Variants in ENDOU observed in about 807,000 individuals in gnomAD.
The protein encoded by ENDOU is endonuclease, poly(U) specific, also known as uridylate-specific endoribonuclease.
Under a neutral mutation model 54.2 loss-of-function variants are expected in ENDOU, and 49 were observed. The ratio of observed to expected loss-of-function variants is 0.90; its 90% confidence interval spans 0.72 to 1.15. The LOEUF is 1.15. Ranked by LOEUF, ENDOU falls within the 50% of genes most tolerant of loss-of-function variation. The probability of loss-of-function intolerance (pLI) is 0.00; values close to 1 mark genes in which losing one functional copy is unlikely to be tolerated. For missense variants in ENDOU, 458 were observed against 511.4 expected (o/e 0.90, Z 1.01); for synonymous variants, 172 against 190.5 (o/e 0.90, Z 0.80).
At chr12:47,721,997 G>A (rs1940448792) in intron 1 of ENDOU, among the ~76,000 whole-genome samples, 1 of 152,162 alleles carries the variant, frequency 6.6e-6, no homozygotes, top group Non-Finnish European at 1.5e-5. Flanking sequence ...TTAGGATTTG[G>A]GCTTGAGTTA....
At chr12:47,716,729 G>A (rs1225216424) in intron 5 of ENDOU, among the ~76,000 whole-genome samples, 161 bp downstream of exon 5, 1 of 152,178 alleles carries the variant, frequency 6.6e-6, no homozygotes, top group Non-Finnish European at 1.5e-5. Flanking sequence ...CTCCCAACTG[G>A]ATATCCACAG....
chr12:47,721,060 A>G (rs1940419153), intron 1 of ENDOU, among the ~76,000 whole-genome samples, 185 bp from the exon 2 acceptor site: 1 of 152,068 alleles, frequency 6.6e-6, no homozygotes, highest in Non-Finnish European at 1.5e-5. Context: ...CCACCACCCA[A>G]CACCCACCAA....
chr12:47,711,849 C>T, intron 8 of ENDOU, 74 bp from the exon 9 acceptor site: 1 of 1,524,530 alleles, frequency 6.6e-7, no homozygotes, highest in Non-Finnish European at 9.0e-7. Flanking sequence ...CCAATGGCAA[C>T]AGTCAGACAG....
At chr12:47,723,873 C>G (rs1288633401) in intron 1 of ENDOU, among the ~76,000 whole-genome samples, 1 of 152,194 alleles carries the variant, frequency 6.6e-6, no homozygotes, top group African/African-American at 2.4e-5. Context: ...CCACAGACAT[C>G]CAGCTCATAA....
At chr12:47,723,135 A>C (rs568816794) in intron 1 of ENDOU, among the ~76,000 whole-genome samples, 1 of 152,324 alleles carries the variant, frequency 6.6e-6, no homozygotes, top group South Asian at 2.1e-4. Context: ...GTTGCAAGCG[A>C]GCAGTCAGCT....
In ENDOU at chr12:47,712,566, C is replaced by A; in HGVS notation, c.922G>T (p.Glu308Ter). Reference sequence around the variant, plus strand: ...TAGTCAACCAGACCCTCCTTCTCCTCCAGGTAGAAGCGGATCCAGTTATGG... The same window carrying A: ...TAGTCAACCAGACCCTCCTTCTCCTACAGGTAGAAGCGGATCCAGTTATGG... ...GFHNWIRFYL[E>*]EKEGLVDYYS... The change falls in exon 8 of 10, where the codon GAG becomes TAG. Residue 308 changes from glutamate to a stop codon, truncating the protein, a stop_gained. Coordinates refer to ENST00000422538, the MANE Select transcript of ENDOU (RefSeq NM_001172439.2). LOFTEE classifies it high-confidence loss of function. 6.2e-7 allele frequency: 1 copy of A among 1,614,170 alleles called. No individual in the cohort carries two copies. Among genetic ancestry groups the A allele is most frequent in the Non-Finnish European group, 8.5e-7 (1 of 1,180,006 alleles).
intron 8 of ENDOU, among the ~76,000 whole-genome samples, chr12:47,712,153 A>T (rs961392436): frequency 1.3e-5 from 2 of 152,236 alleles, no homozygotes; most frequent in African/African-American, 2.4e-5. Flanking sequence ...TATAAAGTGT[A>T]TGAAGTTTAG....
chr12:47,716,741 C>A, intron 5 of ENDOU, 149 bp downstream of exon 5: 1 of 783,350 alleles, frequency 1.3e-6, no homozygotes, highest in Admixed American at 2.7e-5. Context: ...TATCCACAGT[C>A]CCTCAAGATG....
intron 4 of ENDOU, among the ~76,000 whole-genome samples, chr12:47,717,270 C>T (rs1940281556): frequency 6.6e-6 from 1 of 152,166 alleles, no homozygotes; most frequent in Non-Finnish European, 1.5e-5. Flanking sequence ...TGTCCCCCGC[C>T]CCTTCCCCCT....
chr12:47,713,123 C>T (rs535549359), intron 7 of ENDOU, 152 bp downstream of exon 7: 2 of 619,630 alleles, frequency 3.2e-6, no homozygotes, highest in South Asian at 3.9e-5. Context: ...CCCCCCCGCC[C>T]CCCTGCCATA....
chr12:47,712,181 G>A (rs1940046282), intron 8 of ENDOU, among the ~76,000 whole-genome samples: 1 of 152,242 alleles, frequency 6.6e-6, no homozygotes, highest in African/African-American at 2.4e-5. Flanking sequence ...TAGCCAGGCT[G>A]AAACTTTCAG....
chr12:47,717,757 G>A, intron 3 of ENDOU, 102 bp from the exon 4 acceptor site: 1 of 1,230,334 alleles, frequency 8.1e-7, no homozygotes, highest in South Asian at 1.4e-5. Context: ...ACTCTGCCCA[G>A]TAAAGATCTC....
Position 47,710,904 on chromosome 12 carries a change from C to A in ENDOU, c.1131G>T (p.Leu377=). 6.2e-7 allele frequency: 1 copy of A among 1,612,318 alleles called. No homozygotes were observed. The highest frequency in any genetic ancestry group is 8.5e-7 in the Non-Finnish European group (1 of 1,178,526). ...ARPGKVCQLS[L]GGYPLAVRTY... is the part of the protein sequence containing the mutation. ...TCCGGACAGCTAAGGGATATCCTCC[C>A]AGGCTTAACTGGCACCTGTGGGGAA... The change falls in exon 10 of 10, where the codon CTG becomes CTT. Residue 377 remains leucine (L), a synonymous_variant. Coordinates refer to ENST00000422538, the MANE Select transcript of ENDOU (RefSeq NM_001172439.2).
chr12:47,711,916 T>TTAA (rs1406701825), intron 8 of ENDOU, 141 bp from the exon 9 acceptor site: 8 of 954,462 alleles, frequency 8.4e-6, no homozygotes, highest in Non-Finnish European at 1.5e-6. Flanking sequence ...ACTGGATTCT[T>TTAA]TAAATAGAAG....
At chr12:47,720,379 T>C (rs1463673833) in intron 2 of ENDOU, 1 of 166,260 alleles carries the variant, frequency 6.0e-6, no homozygotes, top group Non-Finnish European at 1.3e-5. Flanking sequence ...TGTGAGAGTT[T>C]GCTACCATTT....
intron 1 of ENDOU, among the ~76,000 whole-genome samples, chr12:47,724,195 G>T (rs1940518571): frequency 2.0e-5 from 3 of 152,110 alleles, no homozygotes; most frequent in African/African-American, 7.2e-5. Context: ...TACACATTAA[G>T]CCCCCAAGTT....
chr12:47,718,080 G>T, intron 3 of ENDOU, 49 bp downstream of exon 3: 1 of 1,488,858 alleles, frequency 6.7e-7, no homozygotes, highest in Non-Finnish European at 9.2e-7. Context: ...TCACCCTCAT[G>T]TCCCTCCTGC....
At position 47,720,795 on chromosome 12, in the gene ENDOU, A is replaced by G. The variant is rs577824376; in HGVS notation, c.136T>C (p.Trp46Arg). The change falls in exon 2 of 10, where the codon TGG (tryptophan) becomes CGG (arginine). Residue 46 changes from tryptophan to arginine, a missense_variant. Coordinates refer to ENST00000422538, the MANE Select transcript of ENDOU (RefSeq NM_001172439.2). ...TAGTCTTCACAGCAGTTCCCATGCC[A>G]GAGACACCGGCGGTCACACTGGCAG... ...AACQCDRRCL[W>R]HGNCCEDYEH... The G allele has an allele frequency of 7.2e-5, 110 of 1,536,144 alleles. 2 individuals carry two copies. The South Asian group carries it at 1.2e-3, about 16-fold the overall frequency.
At chr12:47,724,115 C>G (rs546054913) in intron 1 of ENDOU, among the ~76,000 whole-genome samples, 8 of 152,324 alleles carry the variant, frequency 5.3e-5, no homozygotes, top group Admixed American at 1.3e-4. Context: ...CCTCTGCCCC[C>G]CAGGGACCAA....
Sources: gnomAD v4.1 joint callset for allele counts (sites outside exome capture counted in the v4.1 genomes callset) on GRCh38, gnomAD v4.1.1 for gene constraint, MANE v1.5 for transcripts, NCBI Gene and HGNC (gene_info 2026-07-23, HGNC 2026-07-21) for gene names.